Variants in NFASC observed in about 807,000 individuals in gnomAD.
The protein encoded by NFASC is neurofascin.
A neutral mutation model predicts 147.5 loss-of-function variants in NFASC; 43 were observed. The observed-to-expected ratio is 0.29, with a 90% CI of 0.23 to 0.38. The LOEUF (loss-of-function observed/expected upper bound fraction) is 0.38. NFASC is among the 10% of genes least tolerant of loss of function. The pLI, the probability that NFASC is intolerant of heterozygous loss-of-function variation, is 1.00. For missense variants in NFASC, 1,320 were observed against 1,689.0 expected, an observed-to-expected ratio of 0.78 and a Z score of 3.83; for synonymous variants, 622 against 665.5, an observed-to-expected ratio of 0.93 and a Z score of 1.01.
At chr1:204,837,316 G>T (rs529413695) in intron 1 of NFASC, among the ~76,000 whole-genome samples, 4 of 152,314 alleles carry the variant, frequency 2.6e-5, no homozygotes, top group African/African-American at 9.6e-5. Flanking sequence ...TAAGAAAATG[G>T]CATTTCTGGT....
At chr1:204,998,293 GC>G (rs2095892666) in intron 25 of NFASC, 1 of 152,172 alleles carries the variant, frequency 6.6e-6, no homozygotes, top group Admixed American at 6.5e-5. Context: ...GAGCTCACAG[GC>G]CAGCTATAAA....
chr1:204,980,259 G>A (rs906186841), intron 19 of NFASC, 111 bp from the exon 20 acceptor site: 19 of 801,012 alleles, frequency 2.4e-5, no homozygotes, highest in Middle Eastern at 2.2e-4. Context: ...CATAGATGCC[G>A]AGGAAAGACA....
At chr1:204,999,480 C>A (rs1275641468) in intron 25 of NFASC, 1 of 152,216 alleles carries the variant, frequency 6.6e-6, no homozygotes, top group Non-Finnish European at 1.5e-5. Context: ...GGAAGAAACT[C>A]AAGTCCCCAA....
Position 205,015,443 on chromosome 1 carries a change from C to T in NFASC, c.3492-865C>T, listed in dbSNP as rs1385875255. On this transcript the variant is annotated intron_variant, in intron 29 of 29. Coordinates refer to ENST00000339876, the MANE Select transcript of NFASC (RefSeq NM_001005388.3). This position sits in a 1 kb window ranked among gnomAD's most constrained non-coding sequence, Gnocchi z 4.0. ...GGAAGGGACATGGTGCCTGAACAGA[C>T]GCTGGCTCAGAGAGCAGCCCCGCGC... Among the ~76,000 whole-genome samples the T allele has an allele frequency of 3.3e-5, 5 of 152,220 alleles. No homozygotes were observed. Among genetic ancestry groups the T allele is most frequent in the African/African-American group, 1.2e-4 (5 of 41,466 alleles).
At chr1:204,890,865 T>C (rs2082254266) in intron 1 of NFASC, among the ~76,000 whole-genome samples, 1 of 151,582 alleles carries the variant, frequency 6.6e-6, no homozygotes, top group Admixed American at 6.6e-5. Context: ...CCACCGCACC[T>C]GGCCAGGGAG....
At chr1:204,843,621 TTCCTTCC>T (rs1418086092) in intron 1 of NFASC, among the ~76,000 whole-genome samples, 8 of 84,280 alleles carry the variant, frequency 9.5e-5, no homozygotes, top group African/African-American at 4.6e-4. Flanking sequence ...CCTTCCTTCC[TTCCTTCC>T]TCCCTCCCTC....
rs537120158 is a variant in NFASC at position 204,923,603 on chromosome 1, C to A, written c.-91+2863C>A. Among the ~76,000 whole-genome samples, 43 of 152,238 alleles carry A rather than the reference C, an allele frequency of 2.8e-4. 1 individual carries two copies. In the South Asian group the frequency reaches 8.9e-3, roughly 32 times the overall value. On this transcript the variant is annotated intron_variant, in intron 2 of 29. Coordinates refer to ENST00000339876, the MANE Select transcript of NFASC (RefSeq NM_001005388.3). ...CTCTCCAGAAACATTGACACAGGCC[C>A]CCTTGGACAGCATGGGCCCAGGACA... is the stretch of plus-strand genomic sequence containing the variant.
chr1:204,971,851 A>G (rs147954836), intron 11 of NFASC, among the ~76,000 whole-genome samples: 1 of 152,292 alleles, frequency 6.6e-6, no homozygotes, highest in East Asian at 1.9e-4. Context: ...CTCCGTCTTA[A>G]TAGGACTTTG....
At chr1:204,880,507 C>T (rs906634725) in intron 1 of NFASC, among the ~76,000 whole-genome samples, 37 of 152,224 alleles carry the variant, frequency 2.4e-4, no homozygotes, top group Admixed American at 2.0e-3. Flanking sequence ...AGGCACCCGC[C>T]ACCACGCCTA....
chr1:205,012,924 C>T, intron 29 of NFASC, 58 bp downstream of exon 29: 1 of 1,237,872 alleles, frequency 8.1e-7, no homozygotes, highest in Non-Finnish European at 1.2e-6. Flanking sequence ...CCTGAGGCAC[C>T]ACCCTCCCCT....
At chr1:204,937,453 G>A (rs1296177121) in intron 2 of NFASC, among the ~76,000 whole-genome samples, 1 of 152,306 alleles carries the variant, frequency 6.6e-6, no homozygotes, top group East Asian at 1.9e-4. Flanking sequence ...TCTGTGCTCT[G>A]TCTATTCATC....
chr1:204,990,879 C>T (rs2095715843), intron 23 of NFASC, among the ~76,000 whole-genome samples: 1 of 152,234 alleles, frequency 6.6e-6, no homozygotes, highest in African/African-American at 2.4e-5. Flanking sequence ...TTCCTGGCAT[C>T]ATGGAGCGTC....
chr1:205,014,670 C>T (rs2096314083), intron 29 of NFASC, among the ~76,000 whole-genome samples: 1 of 152,154 alleles, frequency 6.6e-6, no homozygotes, highest in Non-Finnish European at 1.5e-5. Context: ...CCTAGATCCC[C>T]CGTCCCCTCA....
chr1:204,845,583 A>T (rs1460024945), intron 1 of NFASC, among the ~76,000 whole-genome samples: 2 of 152,142 alleles, frequency 1.3e-5, no homozygotes, highest in African/African-American at 4.8e-5. Flanking sequence ...GACTTAAAGG[A>T]GGAGATTTGG....
intron 1 of NFASC, among the ~76,000 whole-genome samples, chr1:204,843,159 C>A (rs542393600): frequency 6.6e-6 from 1 of 152,302 alleles, no homozygotes; most frequent in Non-Finnish European, 1.5e-5. Context: ...TCCTTTGTTT[C>A]TCAGCAGGCT....
Position 205,016,278 on chromosome 1 carries a change from AC to A in NFASC, c.3492-28del. 1 of 1,507,988 alleles carries A rather than the reference AC, an allele frequency of 6.6e-7. No individual in the cohort carries two copies. Among genetic ancestry groups the A allele is most frequent in the Non-Finnish European group, 9.2e-7 (1 of 1,083,832 alleles). The allele number at this position is 1,507,988 out of a possible 1,614,324, so 93.4% of individuals were successfully genotyped here. A position where few individuals can be genotyped will look rare whatever the true frequency, so the allele number is the denominator to read the frequency against. ...GAGGCCAGCTGCCCCATCTCACCCC[AC>A]CTGAGATTCTCTGTCTCTCTTTGGC... On this transcript the variant is annotated intron_variant, in intron 29 of 29. Coordinates refer to ENST00000339876, the MANE Select transcript of NFASC (RefSeq NM_001005388.3). This position sits in a 1 kb window ranked among gnomAD's most constrained non-coding sequence, Gnocchi z 5.1.
Position 204,974,787 on chromosome 1 carries a change from G to A in NFASC, c.1522G>A (p.Gly508Ser). 4 of 1,614,212 alleles carry A rather than the reference G, an allele frequency of 2.5e-6. No homozygotes were observed. The highest frequency in any genetic ancestry group is 3.4e-6 in the Non-Finnish European group (4 of 1,180,034). ...IYTCVATNIL[G>S]KAENQVRLEV... ...CACCTGTGTCGCCACCAACATCCTGGGCAAAGCTGAAAACCAAGTCCGCCT... is the reference window on the plus strand; with the variant it reads ...CACCTGTGTCGCCACCAACATCCTGAGCAAAGCTGAAAACCAAGTCCGCCT... Residue 508 changes from glycine to serine, a missense_variant, in exon 14 of 30, where the codon GGC becomes AGC. Physicochemically the swap from Gly to Ser is moderately conservative, Grantham distance 56. This residue lies in a region of NFASC where 981 missense variants were observed against 1,289.5 expected (regional missense o/e 0.76). Coordinates refer to ENST00000339876, the MANE Select transcript of NFASC (RefSeq NM_001005388.3).
chr1:204,831,314 C>T (rs1386109138), intron 1 of NFASC, among the ~76,000 whole-genome samples: 8 of 151,490 alleles, frequency 5.3e-5, no homozygotes. Flanking sequence ...GCAAGACCTT[C>T]CAATTGTACC....
At chr1:204,940,915 A>G (rs2093321913) in intron 2 of NFASC, among the ~76,000 whole-genome samples, 1 of 152,338 alleles carries the variant, frequency 6.6e-6, no homozygotes, top group African/African-American at 2.4e-5. Flanking sequence ...TTTTGTGTAC[A>G]TGTACTTGTT....
Sources: allele counts gnomAD v4.1 joint callset (sites outside exome capture counted in the v4.1 genomes callset), GRCh38; gene constraint gnomAD v4.1.1; regional missense constraint gnomAD v4.1.1; non-coding constraint Gnocchi (gnomAD v3.1); transcripts MANE v1.5; gene names NCBI Gene and HGNC (gene_info 2026-07-23, HGNC 2026-07-21).